The following TMC7 variants were observed in gnomAD, a reference collection of about 807,000 sequenced individuals.
The protein encoded by TMC7 is transmembrane channel-like protein 7.
A neutral mutation model predicts 82.9 loss-of-function variants in TMC7; 54 were observed. The ratio of observed to expected loss-of-function variants is 0.65; its 90% CI spans 0.52 to 0.82. The LOEUF (loss-of-function observed/expected upper bound fraction) is 0.82, where lower values mean the gene tolerates loss of function less well. Among genes scored for constraint, TMC7 ranks in the 40% least tolerant of loss-of-function variants. The pLI is 0.00. For synonymous variants in TMC7, 350 were observed against 337.9 expected, an observed-to-expected ratio of 1.04 and a Z score of -0.39; for missense variants, 820 against 901.2, an observed-to-expected ratio of 0.91 and a Z score of 1.15.
At chr16:19,037,776 A>G (rs1305110190) in intron 7 of TMC7, 98 bp from the exon 8 acceptor site, 4 of 1,326,604 alleles carry the variant, frequency 3.0e-6, no homozygotes, top group Non-Finnish European at 4.1e-6. Context: ...CCTGGCTAGA[A>G]CTCTTAAAGA....
rs1192496249 is a variant in TMC7 at position 19,005,055 on chromosome 16, ATTTT to A, written c.68-4116_68-4113del. 1.1e-4 allele frequency among the ~76,000 whole-genome samples: 15 copies of A among 139,458 alleles called. No individual in the cohort carries two copies. In the South Asian group the frequency reaches 2.5e-3, roughly 23 times the overall value. 91.5% of individuals were successfully genotyped at this position (139,458 alleles called of 152,430 possible). On this transcript the variant is annotated intron_variant, in intron 1 of 15. Transcript: ENST00000304381. The stretch of plus-strand genomic sequence containing the variant: ...TGTGACGATGCATGTTAAATACTTT[ATTTT>A]ATTTATTTATTTATTTATTTATTTA...
chr16:19,015,400 T>C (rs946273591), intron 2 of TMC7, among the ~76,000 whole-genome samples: 1 of 152,014 alleles, frequency 6.6e-6, no homozygotes, highest in African/African-American at 2.4e-5. Flanking sequence ...GTTCAGAGAT[T>C]ACAGGCATGA....
At chr16:19,056,498 G>T (rs931521683) in intron 13 of TMC7, 44 bp from the exon 14 acceptor site, 1 of 1,597,386 alleles carries the variant, frequency 6.3e-7, no homozygotes, top group East Asian at 2.2e-5. Context: ...CACTCAACCT[G>T]TGCTGCACGC....
intron 3 of TMC7, among the ~76,000 whole-genome samples, chr16:19,017,365 A>C (rs1430111318): frequency 6.7e-6 from 1 of 149,198 alleles, no homozygotes; most frequent in Non-Finnish European, 1.5e-5. Context: ...TAAATGCATA[A>C]AATAGTATTA....
chr16:19,038,025 TCTC>T lies in TMC7; in HGVS notation c.1158_1160del (p.Phe386_Ser387delinsLeu). ...TATGCAATATACGTAGCAACTGTCTTCTCGCAAGAGCACATGAAAAAGGTAAAT... is the reference window on the plus strand; with the variant it reads ...TATGCAATATACGTAGCAACTGTCTTGCAAGAGCACATGAAAAAGGTAAAT... On this transcript the variant is annotated inframe_deletion, in exon 8 of 16. Coordinates refer to ENST00000304381, the MANE Select transcript of TMC7 (RefSeq NM_024847.4). 1 of 1,613,738 alleles carries T rather than the reference TCTC, an allele frequency of 6.2e-7. No individual in the cohort carries two copies. The highest frequency in any genetic ancestry group is 8.5e-7 in the Non-Finnish European group (1 of 1,179,910).
intron 12 of TMC7, among the ~76,000 whole-genome samples, 166 bp from the exon 13 acceptor site, chr16:19,051,520 G>T (rs1426500142): frequency 6.6e-6 from 1 of 150,962 alleles, no homozygotes; most frequent in Non-Finnish European, 1.5e-5. Context: ...TTTTGTCCTT[G>T]TGATAGTTTG....
intron 1 of TMC7, among the ~76,000 whole-genome samples, chr16:18,987,526 G>A (rs2038874129): frequency 1.3e-5 from 2 of 151,900 alleles, no homozygotes; most frequent in East Asian, 2.0e-4. Flanking sequence ...GGCTGGTCTC[G>A]AACTCCTGAC....
chr16:19,048,278 G>A (rs1373203213), intron 12 of TMC7, among the ~76,000 whole-genome samples: 1 of 151,800 alleles, frequency 6.6e-6, no homozygotes, highest in Non-Finnish European at 1.5e-5. Flanking sequence ...GCCTGGACCA[G>A]TGCATTTATT....
chr16:19,026,686 G>A (rs2142225055), intron 5 of TMC7, among the ~76,000 whole-genome samples: 1 of 152,292 alleles, frequency 6.6e-6, no homozygotes, highest in South Asian at 2.1e-4. Context: ...CATGATAACA[G>A]CCTGTCTGAA....
intron 1 of TMC7, among the ~76,000 whole-genome samples, chr16:18,994,377 T>G (rs2039004247): frequency 6.6e-6 from 1 of 151,618 alleles, no homozygotes; most frequent in Admixed American, 6.6e-5. Context: ...CAGGGCGCAC[T>G]CCTGGCTCTT....
chr16:19,024,594 C>G (rs1183356242), intron 5 of TMC7, among the ~76,000 whole-genome samples: 1 of 151,760 alleles, frequency 6.6e-6, no homozygotes, highest in Non-Finnish European at 1.5e-5. Context: ...GGATCATGCT[C>G]TGTTGCCCAG....
At chr16:18,996,942 G>A (rs1418054221) in intron 1 of TMC7, among the ~76,000 whole-genome samples, 6 of 152,234 alleles carry the variant, frequency 3.9e-5, no homozygotes, top group East Asian at 1.9e-4. Context: ...TTGGGTCCAC[G>A]AATAAAATGT....
chr16:18,992,535 C>T (rs573518299), intron 1 of TMC7, among the ~76,000 whole-genome samples: 2 of 152,274 alleles, frequency 1.3e-5, no homozygotes, highest in East Asian at 3.9e-4. Context: ...AATTTTCTCC[C>T]ATTCTGTAGG....
chr16:19,021,599 G>T (rs758695042), intron 3 of TMC7, 30 bp from the exon 4 acceptor site: 34 of 1,612,270 alleles, frequency 2.1e-5, no homozygotes, highest in African/African-American at 4.0e-5. Context: ...AATATCCCTG[G>T]TCAGTGATGT....
chr16:19,051,688 G>A lies in TMC7; in HGVS notation c.1743G>A (p.Trp581Ter), dbSNP rs763316253. The part of the protein sequence containing the change: ...KFIIIFYVKE[W>*]SLLYTCRPSP... ...TTTCTTTCTTTTTCTCCTTGTAGTG[G>A]AGTCTGCTTTACACCTGCAGACCCT... The change falls in exon 13 of 16, where the codon TGG becomes TGA. Residue 581 changes from tryptophan to a stop codon, truncating the protein, a stop_gained and splice_region_variant. Transcript: ENST00000304381. LOFTEE classifies it high-confidence loss of function. 6 of 1,613,472 alleles carry A rather than the reference G, an allele frequency of 3.7e-6. No homozygotes were observed. In the Admixed American group the frequency reaches 8.3e-5, roughly 22 times the overall value.
chr16:19,031,360 G>A (rs1470553624), intron 6 of TMC7, among the ~76,000 whole-genome samples: 1 of 152,166 alleles, frequency 6.6e-6, no homozygotes, highest in Admixed American at 6.6e-5. Flanking sequence ...CTGTGGCCAG[G>A]GGCTGGGGTC....
intron 1 of TMC7, among the ~76,000 whole-genome samples, chr16:18,998,753 C>CA (rs36110318): frequency 2.7e-5 from 4 of 145,920 alleles, no homozygotes; most frequent in Non-Finnish European, 3.0e-5. Context: ...GACTCTGTCT[C>CA]AAAAAAAAAA....
intron 2 of TMC7, among the ~76,000 whole-genome samples, chr16:19,013,810 C>G (rs184714724): frequency 1.1e-3 from 166 of 150,332 alleles, no homozygotes; most frequent in Non-Finnish European, 2.1e-3. Context: ...TGAGCCACTG[C>G]GCCCGGCCGA....
At chr16:18,996,038 G>T (rs1404497319) in intron 1 of TMC7, among the ~76,000 whole-genome samples, 1 of 152,136 alleles carries the variant, frequency 6.6e-6, no homozygotes, top group Non-Finnish European at 1.5e-5. Flanking sequence ...TTTAGCTCCA[G>T]CCACCTTTTT....
Sources: allele counts gnomAD v4.1 joint callset (sites outside exome capture counted in the v4.1 genomes callset), GRCh38; gene constraint gnomAD v4.1.1; transcripts MANE v1.5; gene names NCBI Gene and HGNC (gene_info 2026-07-23, HGNC 2026-07-21).